Variants in CDH9 observed in about 807,000 individuals in gnomAD.
CDH9 encodes cadherin-9.
Under a neutral mutation model 70.9 loss-of-function variants are expected in CDH9, and 28 were observed. The ratio of observed to expected loss-of-function variants is 0.40; its 90% CI spans 0.29 to 0.54. The LOEUF is 0.54. Ranked by LOEUF, CDH9 falls within the 20% of genes least tolerant of loss-of-function variation. The pLI is 0.59. For synonymous variants in CDH9, 409 were observed against 343.1 expected (o/e 1.19, Z -2.12); for missense variants, 874 against 984.4 (o/e 0.89, Z 1.50).
chr5:27,020,520 G>C (rs1743119514), intron 1 of CDH9, among the ~76,000 whole-genome samples: 1 of 151,570 alleles, frequency 6.6e-6, no homozygotes. Context: ...TTTAGTGTTA[G>C]TACTGAATTA....
intron 1 of CDH9, among the ~76,000 whole-genome samples, chr5:27,018,728 G>A (rs968463125): frequency 3.0e-4 from 45 of 151,954 alleles, no homozygotes; most frequent in South Asian, 6.2e-4. Context: ...GAAGGTTTGA[G>A]TATTTTGGAG....
At chr5:27,012,863 G>A (rs1742982558) in intron 1 of CDH9, among the ~76,000 whole-genome samples, 1 of 151,924 alleles carries the variant, frequency 6.6e-6, no homozygotes, top group Admixed American at 6.6e-5. Flanking sequence ...AAATTCTAGT[G>A]TTTATTTCAG....
intron 1 of CDH9, among the ~76,000 whole-genome samples, chr5:27,036,056 T>G (rs1322218722): frequency 6.6e-6 from 1 of 151,864 alleles, no homozygotes; most frequent in Non-Finnish European, 1.5e-5. Context: ...TTGCATATTT[T>G]ATATTATATA....
intron 1 of CDH9, among the ~76,000 whole-genome samples, chr5:27,031,593 T>C (rs1477524225): frequency 6.6e-6 from 1 of 151,942 alleles, no homozygotes; most frequent in African/African-American, 2.4e-5. Context: ...ACAGACCTAG[T>C]TTAGTCTTAG....
chr5:26,881,496 T>C lies in CDH9; in HGVS notation c.2010A>G (p.Gln670=), dbSNP rs372708117. 2 of 1,613,834 alleles carry C rather than the reference T, an allele frequency of 1.2e-6. No homozygotes were observed. Among genetic ancestry groups the C allele is most frequent in the Non-Finnish European group, 1.7e-6 (2 of 1,179,806 alleles). Residue 670 remains glutamine, a synonymous_variant, in exon 12 of 12, where the codon CAA becomes CAG. Transcript: ENST00000231021. ...TCCTTAATGTGCCAATGTCAAAAGC[T>C]TGGGTATCTTCTTCCCCGCCGCCTT... ...NDEGGGEEDT[Q]AFDIGTLRNP...
intron 2 of CDH9, among the ~76,000 whole-genome samples, chr5:26,926,918 C>CCCT (rs780132097): frequency 4.2e-5 from 2 of 47,670 alleles, no homozygotes; most frequent in African/African-American, 9.0e-5. Context: ...AAAAATACAG[C>CCCT]CCCCCCCCGC....
chr5:26,990,558 T>G (rs1742563744), intron 1 of CDH9, among the ~76,000 whole-genome samples: 1 of 152,168 alleles, frequency 6.6e-6, no homozygotes, highest in Admixed American at 6.5e-5. Flanking sequence ...ACAGCCAATA[T>G]AAAACCCGGA....
chr5:26,933,085 T>G, intron 2 of CDH9, among the ~76,000 whole-genome samples: 1 of 147,416 alleles, frequency 6.8e-6, no homozygotes, highest in East Asian at 2.0e-4. Context: ...TATACAAATA[T>G]AATTCTATTT....
chr5:26,952,901 CAAAAA>C (rs70939788), intron 2 of CDH9, among the ~76,000 whole-genome samples: 20 of 105,266 alleles, frequency 1.9e-4, no homozygotes, highest in African/African-American at 6.6e-4. Context: ...GTTTCTATTC[CAAAAA>C]AAAAAAAAAA....
intron 1 of CDH9, among the ~76,000 whole-genome samples, chr5:27,023,729 T>C (rs1743177256): frequency 6.6e-6 from 1 of 152,006 alleles, no homozygotes; most frequent in South Asian, 2.1e-4. Flanking sequence ...AGAGATAAAA[T>C]CTTGTAGGAT....
intron 2 of CDH9, among the ~76,000 whole-genome samples, chr5:26,940,313 TCA>T (rs1741638036): frequency 6.6e-6 from 1 of 152,192 alleles, no homozygotes; most frequent in Non-Finnish European, 1.5e-5. Context: ...TTGAACATTT[TCA>T]GAGGCTTTTA....
At chr5:26,939,558 A>G (rs990180240) in intron 2 of CDH9, among the ~76,000 whole-genome samples, 1 of 151,866 alleles carries the variant, frequency 6.6e-6, no homozygotes, top group Non-Finnish European at 1.5e-5. Context: ...TTGGGAAGCA[A>G]TAATAGAAAT....
At chr5:26,960,810 C>T (rs1561019238) in intron 2 of CDH9, among the ~76,000 whole-genome samples, 1 of 151,688 alleles carries the variant, frequency 6.6e-6, no homozygotes, top group East Asian at 1.9e-4. Context: ...TCTATCCACA[C>T]TGAAAATCTG....
Position 26,930,104 on chromosome 5 carries a change from C to T in CDH9, c.229-14180G>A, listed in dbSNP as rs182919847. ...TGCCTGTATCAAAATATCTCATGTG[C>T]CCCATAAATATATCCACACATTATG... On this transcript the variant is annotated intron_variant, in intron 2 of 11. Transcript: ENST00000231021. Among the ~76,000 whole-genome samples, 210 of 151,658 alleles carry T rather than the reference C, an allele frequency of 1.4e-3. No individual in the cohort carries two copies. The Middle Eastern group carries it at 0.024, about 17-fold the overall frequency.
chr5:26,915,388 G>T (rs1012860410), intron 3 of CDH9, among the ~76,000 whole-genome samples: 1 of 151,816 alleles, frequency 6.6e-6, no homozygotes, highest in Non-Finnish European at 1.5e-5. Flanking sequence ...AGAGTTGAGG[G>T]TATTGATTGA....
At chr5:26,960,617 T>C (rs1306675418) in intron 2 of CDH9, among the ~76,000 whole-genome samples, 2 of 151,986 alleles carry the variant, frequency 1.3e-5, no homozygotes, top group Non-Finnish European at 2.9e-5. Flanking sequence ...GGCAACACCA[T>C]TTTACTGAAA....
intron 2 of CDH9, among the ~76,000 whole-genome samples, chr5:26,986,925 T>G (rs939985029): frequency 6.6e-6 from 1 of 151,726 alleles, no homozygotes; most frequent in African/African-American, 2.4e-5. Context: ...AAAAGAGAAA[T>G]GTCAAAAGAA....
intron 1 of CDH9, among the ~76,000 whole-genome samples, chr5:27,006,211 C>T (rs1373679436): frequency 6.6e-6 from 1 of 152,008 alleles, no homozygotes; most frequent in African/African-American, 2.4e-5. Context: ...TAAAATTAGT[C>T]ATATGAAAGA....
chr5:26,881,646 T>C (rs1202759137), intron 11 of CDH9, 23 bp from the exon 12 acceptor site: 1 of 1,583,544 alleles, frequency 6.3e-7, no homozygotes, highest in African/African-American at 1.4e-5. Flanking sequence ...AATGGGAAAA[T>C]AGTGAGATTT....
Sources: gnomAD v4.1 joint callset for allele counts (sites outside exome capture counted in the v4.1 genomes callset) on GRCh38, gnomAD v4.1.1 for gene constraint, MANE v1.5 for transcripts, NCBI Gene and HGNC (gene_info 2026-07-23, HGNC 2026-07-21) for gene names.